CMIP: variants seen among roughly 807,000 people sequenced by gnomAD.
CMIP encodes the protein c-Maf inducing protein.
A neutral mutation model predicts 97.3 loss-of-function variants in CMIP; 13 were observed. That is an observed-to-expected ratio of 0.13 (90% CI 0.09 to 0.21). The LOEUF (loss-of-function observed/expected upper bound fraction) is 0.21, where lower values mean the gene tolerates loss of function less well. CMIP is among the 10% of genes least tolerant of loss of function. The pLI, the probability that CMIP is intolerant of heterozygous loss-of-function variation, is 1.00. For synonymous variants in CMIP, 538 were observed against 436.3 expected (o/e 1.23, Z -2.91); for missense variants, 847 against 1,024.9 (o/e 0.83, Z 2.37).
intron 6 of CMIP, among the ~76,000 whole-genome samples, chr16:81,661,797 C>T (rs891038716): frequency 1.3e-5 from 2 of 152,012 alleles, no homozygotes; most frequent in African/African-American, 2.4e-5. Flanking sequence ...TGTCAGGGGA[C>T]GGGAGCTTTG....
chr16:81,521,454 G>A lies in CMIP; in HGVS notation c.300+75913G>A, dbSNP rs992064120. 1.1e-4 allele frequency among the ~76,000 whole-genome samples: 16 copies of A among 152,118 alleles called. 1 individual carries two copies. The highest frequency in any genetic ancestry group is 6.8e-3 in the Middle Eastern group (2 of 294). ...AGAACCACCGGTGACCGCCAAGGTC[G>A]GCTGCCTCCCTGAAATGCCACTGCA... On this transcript the variant is annotated intron_variant, in intron 1 of 20. Coordinates refer to ENST00000537098, the MANE Select transcript of CMIP (RefSeq NM_198390.3).
At chr16:81,554,059 G>A (rs895294981) in intron 1 of CMIP, among the ~76,000 whole-genome samples, 2 of 152,232 alleles carry the variant, frequency 1.3e-5, no homozygotes, top group African/African-American at 4.8e-5. Context: ...TTGGCCCTCT[G>A]TACTTTCCAT....
chr16:81,652,635 A>G lies in CMIP; in HGVS notation c.639+271A>G, dbSNP rs1006120771. On this transcript the variant is annotated intron_variant, in intron 4 of 20. Transcript: ENST00000537098. This position sits in a 1 kb window ranked among gnomAD's most constrained non-coding sequence, Gnocchi z 5.2. The stretch of plus-strand genomic sequence containing the variant: ...AGTGAGAGCCAGTAGTCCCATCCCC[A>G]TCTCTGTCTTCCCCTAGCAGTGGCC... Among the ~76,000 whole-genome samples the G allele has an allele frequency of 6.6e-6, 1 of 151,988 alleles. No homozygotes were observed. Among genetic ancestry groups the G allele is most frequent in the African/African-American group, 2.4e-5 (1 of 41,360 alleles).
chr16:81,705,886 G>C (rs1325437720), intron 19 of CMIP, among the ~76,000 whole-genome samples: 1 of 152,200 alleles, frequency 6.6e-6, no homozygotes, highest in Non-Finnish European at 1.5e-5. Context: ...ACAGTCCACT[G>C]AGGGGTCGAG....
intron 9 of CMIP, among the ~76,000 whole-genome samples, chr16:81,675,514 C>T (rs778965744): frequency 3.3e-5 from 5 of 152,150 alleles, no homozygotes; most frequent in East Asian, 1.9e-4. Context: ...CCACCATGCC[C>T]GTGTACAATG....
chr16:81,499,021 G>A (rs1402138556), intron 1 of CMIP, among the ~76,000 whole-genome samples: 2 of 152,180 alleles, frequency 1.3e-5, no homozygotes, highest in Non-Finnish European at 2.9e-5. Context: ...ATCAACACTA[G>A]GAGGTAGTTT....
chr16:81,489,078 G>C (rs1264318668), intron 1 of CMIP, among the ~76,000 whole-genome samples: 1 of 150,408 alleles, frequency 6.6e-6, no homozygotes, highest in African/African-American at 2.5e-5. Flanking sequence ...TGTCTGCTTT[G>C]TCCTGGCCAT....
intron 1 of CMIP, among the ~76,000 whole-genome samples, chr16:81,600,743 G>A (rs567390863): frequency 1.3e-5 from 2 of 152,346 alleles, no homozygotes; most frequent in Non-Finnish European, 2.9e-5. Context: ...TTTACGTTCT[G>A]TGAATTTTAC....
rs1232222238 is a variant in CMIP at position 81,621,941 on chromosome 16, G to C, written c.477+1015G>C. The C allele has an allele frequency of 6.6e-6, 1 of 152,268 alleles. No homozygotes were observed. Among genetic ancestry groups the C allele is most frequent in the Non-Finnish European group, 1.5e-5 (1 of 68,084 alleles). 9.4% of individuals were successfully genotyped at this position (152,268 alleles called of 1,614,324 possible). A position where few individuals can be genotyped will look rare whatever the true frequency, so the allele number is the denominator to read the frequency against. ...TGTCAGCTACTGGTCCTCTTGCTTT[G>C]TGCTGTGGGGCCAAGTCTCAGAAGC... On this transcript the variant is annotated intron_variant, in intron 3 of 20. Transcript: ENST00000537098. The surrounding 1 kb of genome is among the most constrained non-coding windows in gnomAD (Gnocchi z 4.1).
chr16:81,591,640 G>C (rs1438352776), intron 1 of CMIP, among the ~76,000 whole-genome samples: 1 of 152,120 alleles, frequency 6.6e-6, no homozygotes, highest in African/African-American at 2.4e-5. Flanking sequence ...AATCTGTAGA[G>C]ATGGAGGTCA....
At chr16:81,700,599 C>A (rs1376199077) in intron 15 of CMIP, 1 of 152,500 alleles carries the variant, frequency 6.6e-6, no homozygotes, top group African/African-American at 2.4e-5. Context: ...TAGACTTCAC[C>A]CCTCAGTGGG....
intron 13 of CMIP, chr16:81,696,348 G>T (rs1411854406): frequency 1.7e-6 from 1 of 600,710 alleles, no homozygotes; most frequent in African/African-American, 1.9e-5. Flanking sequence ...CCAGTAGCCA[G>T]AGTCCCCTGG....
intron 3 of CMIP, among the ~76,000 whole-genome samples, chr16:81,642,342 C>T (rs78733067): frequency 0.064 from 9,805 of 152,248 alleles, 408 homozygotes; most frequent in African/African-American, 0.11. Context: ...CAGTGCCCCA[C>T]TCAGAGTAGG....
At chr16:81,545,549 G>A (rs62046626) in intron 1 of CMIP, among the ~76,000 whole-genome samples, 15,832 of 152,136 alleles carry the variant, frequency 0.1, 854 homozygotes, top group South Asian at 0.13. Flanking sequence ...CTTATGTGGC[G>A]AGCTCCAGCA....
chr16:81,592,419 G>T (rs1402450767), intron 1 of CMIP, among the ~76,000 whole-genome samples: 3 of 152,108 alleles, frequency 2.0e-5, no homozygotes, highest in African/African-American at 7.2e-5. Flanking sequence ...TCCTTACCTT[G>T]ACAGCCGGCT....
intron 3 of CMIP, among the ~76,000 whole-genome samples, chr16:81,647,066 C>T (rs994169790): frequency 6.6e-6 from 1 of 152,206 alleles, no homozygotes. Flanking sequence ...GTTTACCTTC[C>T]CACCAGCAAC....
intron 3 of CMIP, chr16:81,645,607 C>T (rs903186286): frequency 6.5e-7 from 1 of 1,535,764 alleles, no homozygotes; most frequent in Non-Finnish European, 8.7e-7. Flanking sequence ...AGGTAACGTC[C>T]CTTCCTTGAC....
intron 1 of CMIP, among the ~76,000 whole-genome samples, chr16:81,492,940 A>G (rs554961894): frequency 6.6e-6 from 1 of 151,914 alleles, no homozygotes; most frequent in East Asian, 1.9e-4. Context: ...GCCGAAGAGG[A>G]GGGCCCGTGA....
chr16:81,675,442 C>T (rs551452374), intron 9 of CMIP, among the ~76,000 whole-genome samples: 46 of 148,938 alleles, frequency 3.1e-4, no homozygotes, highest in Non-Finnish European at 6.2e-4. Context: ...TGGTCTCAAA[C>T]TCCTGGCCTC....
Sources: gnomAD v4.1 joint callset for allele counts (sites outside exome capture counted in the v4.1 genomes callset) on GRCh38, gnomAD v4.1.1 for gene constraint, Gnocchi (gnomAD v3.1) non-coding constraint, MANE v1.5 for transcripts, NCBI Gene and HGNC (gene_info 2026-07-23, HGNC 2026-07-21) for gene names.